PRADC1: variants seen among roughly 807,000 people sequenced by gnomAD.
PRADC1 encodes the protein protease associated domain containing 1.
A neutral mutation model predicts 22.9 loss-of-function variants in PRADC1; 23 were observed. The ratio of observed to expected loss-of-function variants is 1.00; its 90% confidence interval spans 0.72 to 1.42. The LOEUF (loss-of-function observed/expected upper bound fraction) is 1.42, where lower values mean the gene tolerates loss of function less well. Among genes scored for constraint, PRADC1 ranks in the 40% most tolerant of loss-of-function variants. The pLI is 0.00. For synonymous variants in PRADC1, 71 were observed against 100.3 expected, an observed-to-expected ratio of 0.71 and a Z score of 1.75; for missense variants, 207 against 258.3, an observed-to-expected ratio of 0.80 and a Z score of 1.36.
At position 73,229,455 on chromosome 2, in the gene PRADC1, C is replaced by T; in HGVS notation, c.278+6G>A. On this transcript the variant is annotated splice_donor_region_variant and intron_variant, in intron 3 of 4. Transcript: ENST00000258083. ...ACTCCTCGTGTCCTGCCTGCCCACT[C>T]CTTACCCCCTCTCCACCAGAGCAAT... 1 of 1,607,284 alleles carries T rather than the reference C, an allele frequency of 6.2e-7. No individual in the cohort carries two copies. Among genetic ancestry groups the T allele is most frequent in the Non-Finnish European group, 8.5e-7 (1 of 1,173,758 alleles).
At chr2:73,230,016 C>T in intron 2 of PRADC1, 97 bp downstream of exon 2, 1 of 851,400 alleles carries the variant, frequency 1.2e-6, no homozygotes, top group Non-Finnish European at 2.0e-6. Context: ...GCTCCCTTCC[C>T]TGTCCCAGCA....
intron 1 of PRADC1, among the ~76,000 whole-genome samples, chr2:73,231,740 C>G (rs1686643953): frequency 6.6e-6 from 1 of 150,870 alleles, no homozygotes; most frequent in African/African-American, 2.4e-5. Flanking sequence ...CAGGCGTGAG[C>G]CACCGCACCT....
chr2:73,233,257 G>C, upstream of PRADC1: 1 of 790,848 alleles, frequency 1.3e-6, no homozygotes, highest in South Asian at 2.3e-5. Flanking sequence ...CCGGCCTCCC[G>C]CCCACATACC....
rs1686567757 is a variant in PRADC1 at position 73,228,701 on chromosome 2, A to G, written c.446+94T>C. 1.9e-6 allele frequency: 3 copies of G among 1,583,192 alleles called. No individual in the cohort carries two copies. Among genetic ancestry groups the G allele is most frequent in the South Asian group, 2.3e-5 (2 of 87,246 alleles). The stretch of plus-strand genomic sequence containing the variant: ...TTTGCCCTCTAACTGAAGCACCCCA[A>G]GTTGAGGCCTGCAAGAAGGGACTGG... On this transcript the variant is annotated intron_variant, in intron 4 of 4. Coordinates refer to ENST00000258083, the MANE Select transcript of PRADC1 (RefSeq NM_032319.3). The surrounding 1 kb of genome is among the most constrained non-coding windows in gnomAD (Gnocchi z 4.0).
At chr2:73,232,336 CAAA>C (rs70965721) in intron 1 of PRADC1, among the ~76,000 whole-genome samples, 7 of 129,162 alleles carry the variant, frequency 5.4e-5, no homozygotes, top group Non-Finnish European at 5.0e-5. Flanking sequence ...GACTCCGTCT[CAAA>C]AAAAAAAAAA....
chr2:73,228,863 C>T lies in PRADC1; in HGVS notation c.378G>A (p.Val126=), dbSNP rs760789400. 6.2e-7 allele frequency: 1 copy of T among 1,613,334 alleles called. No individual in the cohort carries two copies. The highest frequency in any genetic ancestry group is 8.5e-7 in the Non-Finnish European group (1 of 1,179,972). ...DNAVDNDSFY[V]EMIQDSTQRT... ...GCTGGGTACTGTCCTGGATCATCTC[C>T]ACGTAGAAGCTGTCATTGTCAACTG... The change falls in exon 4 of 5, where the codon GTG becomes GTA. Residue 126 remains valine, a synonymous_variant. Coordinates refer to ENST00000258083, the MANE Select transcript of PRADC1 (RefSeq NM_032319.3). The surrounding 1 kb of genome is among the most constrained non-coding windows in gnomAD (Gnocchi z 4.0).
rs1049896567 is a variant in PRADC1, at chr2:73,228,821, G to A, written c.420C>T (p.Pro140=). Residue 140 remains proline, a synonymous_variant, in exon 4 of 5, where the codon CCC becomes CCT. Transcript: ENST00000258083. The surrounding 1 kb of genome is among the most constrained non-coding windows in gnomAD (Gnocchi z 4.0). ...CGTCTCGGCCGAGCAGGAAGAGGGC[G>A]GGGATGTCAGCTGTGCGCTGGGTAC... The part of the protein sequence containing the change: ...QDSTQRTADI[P]ALFLLGRDGY... 20 of 1,612,496 alleles carry A rather than the reference G, an allele frequency of 1.2e-5. No homozygotes were observed. Among genetic ancestry groups the A allele is most frequent in the South Asian group, 8.8e-5 (8 of 90,980 alleles).
intron 1 of PRADC1, among the ~76,000 whole-genome samples, chr2:73,232,669 T>A (rs1004097810): frequency 6.6e-6 from 1 of 152,260 alleles, no homozygotes; most frequent in Admixed American, 6.5e-5. Flanking sequence ...CTTATGTGCA[T>A]AGATGTATAC....
chr2:73,229,627 G>T, intron 2 of PRADC1, 57 bp from the exon 3 acceptor site: 1 of 1,347,354 alleles, frequency 7.4e-7, no homozygotes, highest in Non-Finnish European at 1.1e-6. Flanking sequence ...ACCTGCTTTA[G>T]GACTGGGCTG....
In PRADC1 at chr2:73,230,103, C is replaced by T. The variant is rs770709067; in HGVS notation, c.168+10G>A. The T allele has an allele frequency of 1.9e-6, 3 of 1,595,670 alleles. No homozygotes were observed. The highest frequency in any genetic ancestry group is 2.6e-6 in the Non-Finnish European group (3 of 1,164,262). The stretch of plus-strand genomic sequence containing the variant: ...TGAGGATCAGAGATCAGGGGCCTCC[C>T]TTAACTTACAAAGATACCACCAAAG... On this transcript the variant is annotated intron_variant, in intron 2 of 4. Transcript: ENST00000258083.
At position 73,228,549 on chromosome 2, in the gene PRADC1, G is replaced by A; in HGVS notation, c.472C>T (p.Gln158Ter). 6.2e-7 allele frequency: 1 copy of A among 1,614,184 alleles called. No homozygotes were observed. Among genetic ancestry groups the A allele is most frequent in the Admixed American group, 1.7e-5 (1 of 60,028 alleles). ...ATGATGGCCCATGGCAGCCCATGCT[G>A]TTCCAGAGAGCGGCGGATCATGTAG... ...DGYMIRRSLE[Q>*]HGLPWAIISI... Residue 158 changes from glutamine to a stop codon, truncating the protein, a stop_gained, in exon 5 of 5, where the codon CAG becomes TAG. Coordinates refer to ENST00000258083, the MANE Select transcript of PRADC1 (RefSeq NM_032319.3). LOFTEE classifies it high-confidence loss of function. The surrounding 1 kb of genome is among the most constrained non-coding windows in gnomAD (Gnocchi z 4.0).
At position 73,228,484 on chromosome 2, in the gene PRADC1, C is replaced by G. The variant is rs1185400546; in HGVS notation, c.537G>C (p.Glu179Asp). The change falls in exon 5 of 5, where the codon GAG (glutamate) becomes GAC (aspartate). Residue 179 changes from glutamate to aspartate, a missense_variant. Glu to Asp is a conservative substitution (Grantham distance 45). Coordinates refer to ENST00000258083, the MANE Select transcript of PRADC1 (RefSeq NM_032319.3). This position sits in a 1 kb window ranked among gnomAD's most constrained non-coding sequence, Gnocchi z 4.0. Reference protein sequence around the residue: ...PVNVTSIPTFELLQPPWTFW With the variant: ...PVNVTSIPTFDLLQPPWTFW ...AGAAGGTCCAGGGCGGTTGCAGCAG[C>G]TCAAAGGTGGGGATGCTGGTGACAT... The G allele has an allele frequency of 6.2e-7, 1 of 1,614,082 alleles. No homozygotes were observed. Among genetic ancestry groups the G allele is most frequent in the African/African-American group, 1.3e-5 (1 of 74,934 alleles).
chr2:73,229,949 A>T lies in PRADC1; in HGVS notation c.168+164T>A, dbSNP rs962219630. The T allele has an allele frequency of 4.8e-6, 3 of 619,664 alleles. No homozygotes were observed. In the Admixed American group the frequency reaches 8.5e-5, roughly 17 times the overall value. 38.4% of individuals were successfully genotyped at this position (619,664 alleles called of 1,614,324 possible). Reference sequence around the variant, plus strand: ...CCTAGGTTTATATTATACTCAGGGGAGTAGCTGGAAGAGCTTCCTTTCTGT... The same window carrying T: ...CCTAGGTTTATATTATACTCAGGGGTGTAGCTGGAAGAGCTTCCTTTCTGT... On this transcript the variant is annotated intron_variant, in intron 2 of 4. Coordinates refer to ENST00000258083, the MANE Select transcript of PRADC1 (RefSeq NM_032319.3).
chr2:73,228,205 C>T lies in PRADC1; in HGVS notation c.*249G>A, dbSNP rs1292146233. The T allele has an allele frequency of 4.1e-6, 2 of 491,248 alleles. No individual in the cohort carries two copies. The highest frequency in any genetic ancestry group is 7.4e-6 in the Non-Finnish European group (2 of 271,772). The allele number at this position is 491,248 out of a possible 1,614,324, so 30.4% of individuals were successfully genotyped here. On this transcript the variant is annotated 3_prime_UTR_variant, in exon 5 of 5. Transcript: ENST00000258083. This position sits in a 1 kb window ranked among gnomAD's most constrained non-coding sequence, Gnocchi z 4.0. ...CACCTGCCTTCAGCTCCTTTTGTTT[C>T]GGGTTCTAGCCAGAAGCCCTGGGGC...
At chr2:73,230,519 G>T (rs1397955619) in intron 1 of PRADC1, among the ~76,000 whole-genome samples, 2 of 152,224 alleles carry the variant, frequency 1.3e-5, no homozygotes, top group African/African-American at 4.8e-5. Context: ...GAGTTTCAGG[G>T]TAGAGATGTA....
intron 1 of PRADC1, among the ~76,000 whole-genome samples, chr2:73,231,519 C>G (rs570994162): frequency 3.3e-5 from 5 of 152,226 alleles, no homozygotes; most frequent in African/African-American, 9.6e-5. Context: ...CAGGCTCAAG[C>G]GATTCTCATG....
At chr2:73,231,093 T>C (rs575956310) in intron 1 of PRADC1, among the ~76,000 whole-genome samples, 62 of 152,378 alleles carry the variant, frequency 4.1e-4, no homozygotes, top group African/African-American at 1.5e-3. Flanking sequence ...TTCAACATAA[T>C]TTGTAATTAT....
chr2:73,229,389 CACT>C lies in PRADC1; in HGVS notation c.278+69_278+71del. 3 of 1,025,506 alleles carry C rather than the reference CACT, an allele frequency of 2.9e-6. No homozygotes were observed. The South Asian group carries it at 3.8e-5, about 13-fold the overall frequency. 63.5% of individuals were successfully genotyped at this position (1,025,506 alleles called of 1,614,324 possible). On this transcript the variant is annotated intron_variant, in intron 3 of 4. Coordinates refer to ENST00000258083, the MANE Select transcript of PRADC1 (RefSeq NM_032319.3). ...ATTTTCAAAAACAGCTCTTTCAAAG[CACT>C]ACTACCAATAATCTCAGAATCTGCC...
At chr2:73,231,280 C>T (rs1369860113) in intron 1 of PRADC1, among the ~76,000 whole-genome samples, 4 of 151,064 alleles carry the variant, frequency 2.6e-5, no homozygotes, top group African/African-American at 9.8e-5. Flanking sequence ...CCACCACGCC[C>T]GGAGAATTTT....
Sources: gnomAD v4.1 joint callset for allele counts (sites outside exome capture counted in the v4.1 genomes callset) on GRCh38, gnomAD v4.1.1 for gene constraint, Gnocchi (gnomAD v3.1) non-coding constraint, MANE v1.5 for transcripts, NCBI Gene and HGNC (gene_info 2026-07-23, HGNC 2026-07-21) for gene names.